The following MYADML2 variants were observed in gnomAD, a reference collection of about 807,000 sequenced individuals.
MYADML2 encodes the protein myeloid-associated differentiation marker-like protein 2.
MYADML2 carries 17 observed loss-of-function variants against 16.0 expected under a neutral mutation model. The ratio of observed to expected loss-of-function variants is 1.06; its 90% CI spans 0.73 to 1.60. MYADML2 has a LOEUF of 1.60. Among genes scored for constraint, MYADML2 ranks in the 40% most tolerant of loss-of-function variants. The probability of loss-of-function intolerance (pLI) is 0.00; values close to 1 mark genes in which losing one functional copy is unlikely to be tolerated. For synonymous variants in MYADML2, 210 were observed against 208.1 expected, an observed-to-expected ratio of 1.01 and a Z score of -0.08; for missense variants, 422 against 437.7, an observed-to-expected ratio of 0.96 and a Z score of 0.32.
At chr17:81,945,438 C>T (rs180892324) in intron 1 of MYADML2, among the ~76,000 whole-genome samples, 2 of 151,932 alleles carry the variant, frequency 1.3e-5, no homozygotes, top group Admixed American at 6.5e-5. Context: ...ACTCAGGAGG[C>T]TGAGGCAGGA....
In MYADML2 at chr17:81,942,634, C is replaced by T. The variant is rs2041315257; in HGVS notation, c.-180-261G>A. Among the ~76,000 whole-genome samples, 1 of 152,136 alleles carries T rather than the reference C, an allele frequency of 6.6e-6. No individual in the cohort carries two copies. The highest frequency in any genetic ancestry group is 2.4e-5 in the African/African-American group (1 of 41,442). On this transcript the variant is annotated intron_variant, in intron 1 of 2. Coordinates refer to ENST00000409745, the MANE Select transcript of MYADML2 (RefSeq NM_001145113.3). This position sits in a 1 kb window ranked among gnomAD's most constrained non-coding sequence, Gnocchi z 4.4. Reference sequence around the variant, plus strand: ...CCAGGCTGGAGTGCAATGGCGCGATCTCGGCTCCCAGGTTCAAGCAATTAT... The same window carrying T: ...CCAGGCTGGAGTGCAATGGCGCGATTTCGGCTCCCAGGTTCAAGCAATTAT...
intron 1 of MYADML2, among the ~76,000 whole-genome samples, chr17:81,944,253 A>C (rs1199397339): frequency 1.3e-5 from 2 of 151,714 alleles, no homozygotes; most frequent in Non-Finnish European, 2.9e-5. Flanking sequence ...AAAAATACAA[A>C]AACAAAATTA....
chr17:81,941,628 G>A lies in MYADML2; in HGVS notation c.114C>T (p.Ser38=), dbSNP rs761036185. Reference sequence around the variant, plus strand: ...CAAAGCCACCCCGGTGGGCCACCAGGCTGAAGGTAGTGCAGCCAAAGGCCA... The same window carrying A: ...CAAAGCCACCCCGGTGGGCCACCAGACTGAAGGTAGTGCAGCCAAAGGCCA... The part of the protein sequence containing the change: ...LQLAFGCTTF[S]LVAHRGGFAG... Residue 38 remains serine (S), a synonymous_variant, in exon 3 of 3, where the codon AGC becomes AGT. Coordinates refer to ENST00000409745, the MANE Select transcript of MYADML2 (RefSeq NM_001145113.3). 5.7e-5 allele frequency: 88 copies of A among 1,549,170 alleles called. No homozygotes were observed. Among genetic ancestry groups the A allele is most frequent in the Non-Finnish European group, 3.2e-5 (37 of 1,146,858 alleles).
Position 81,941,399 on chromosome 17 carries a change from A to G in MYADML2, c.343T>C (p.Cys115Arg). Reference protein sequence around the residue: ...LYPLYFARRECSPEPAGCAAR... With the variant: ...LYPLYFARRERSPEPAGCAAR... Reference sequence around the variant, plus strand: ...GCACAGCCGGCGGGCTCGGGGGAACACTCCCGCCGGGCAAAGTACAGCGGA... The same window carrying G: ...GCACAGCCGGCGGGCTCGGGGGAACGCTCCCGCCGGGCAAAGTACAGCGGA... The change falls in exon 3 of 3, where the codon TGT (cysteine) becomes CGT (arginine). Residue 115 changes from cysteine to arginine, a missense_variant. Physicochemically the swap from Cys to Arg is radical, Grantham distance 180. Coordinates refer to ENST00000409745, the MANE Select transcript of MYADML2 (RefSeq NM_001145113.3). The G allele has an allele frequency of 6.5e-7, 1 of 1,548,770 alleles. No homozygotes were observed. The highest frequency in any genetic ancestry group is 1.2e-5 in the South Asian group (1 of 84,014).
chr17:81,941,412 A>G lies in MYADML2; in HGVS notation c.330T>C (p.Phe110=), dbSNP rs1436759576. The change falls in exon 3 of 3, where the codon TTT becomes TTC. Residue 110 remains phenylalanine, a synonymous_variant. Coordinates refer to ENST00000409745, the MANE Select transcript of MYADML2 (RefSeq NM_001145113.3). ...GCTCGGGGGAACACTCCCGCCGGGC[A>G]AAGTACAGCGGATACAGGACCGCAG... ...ATAAVLYPLY[F]ARRECSPEPA... 6.5e-7 allele frequency: 1 copy of G among 1,549,230 alleles called. No homozygotes were observed. Among genetic ancestry groups the G allele is most frequent in the Non-Finnish European group, 8.7e-7 (1 of 1,146,504 alleles).
rs1194410359 is a variant in MYADML2 at position 81,941,277 on chromosome 17, CT to C, written c.464del (p.Gln155ArgfsTer2). On this transcript the variant is annotated frameshift_variant, in exon 3 of 3. Coordinates refer to ENST00000409745, the MANE Select transcript of MYADML2 (RefSeq NM_001145113.3). LOFTEE classifies it high-confidence loss of function. ...ACACCGTGGCCATATAGCTGCTCACCTGGCCGGGCCGGGCCCGCGTCAGGGC... is the reference window on the plus strand; with the variant it reads ...ACACCGTGGCCATATAGCTGCTCACCGGCCGGGCCGGGCCCGCGTCAGGGC... ...EVALTRARPG[Q>X]VSSYMATVSG... 2.6e-6 allele frequency: 4 copies of C among 1,550,070 alleles called. No individual in the cohort carries two copies. The highest frequency in any genetic ancestry group is 3.5e-6 in the Non-Finnish European group (4 of 1,146,888).
chr17:81,943,864 C>T (rs1240617140), intron 1 of MYADML2, among the ~76,000 whole-genome samples: 1 of 151,598 alleles, frequency 6.6e-6, no homozygotes, highest in Non-Finnish European at 1.5e-5. Flanking sequence ...AATCCGAGCA[C>T]TTTGGGAGGG....
In MYADML2 at chr17:81,941,200, G is replaced by C. The variant is rs776741687; in HGVS notation, c.542C>G (p.Ala181Gly). 6 of 1,550,146 alleles carry C rather than the reference G, an allele frequency of 3.9e-6. No individual in the cohort carries two copies. Among genetic ancestry groups the C allele is most frequent in the Admixed American group, 3.9e-5 (2 of 51,008 alleles). ...QAFVACIIFG[A>G]LVHDSRYGRY... ...CCCGTAGCGGCTGTCATGGACCAGCGCCCCGAAGATGATGCAGGCCACGAA... is the reference window on the plus strand; with the variant it reads ...CCCGTAGCGGCTGTCATGGACCAGCCCCCCGAAGATGATGCAGGCCACGAA... Residue 181 changes from alanine (A) to glycine (G), a missense_variant, in exon 3 of 3, where the codon GCG becomes GGG. Coordinates refer to ENST00000409745, the MANE Select transcript of MYADML2 (RefSeq NM_001145113.3).
At chr17:81,943,869 G>C (rs2041324080) in intron 1 of MYADML2, among the ~76,000 whole-genome samples, 4 of 151,756 alleles carry the variant, frequency 2.6e-5, no homozygotes, top group African/African-American at 9.7e-5. Flanking sequence ...GAGCACTTTG[G>C]GAGGGGCTGA....
At position 81,941,553 on chromosome 17, in the gene MYADML2, G is replaced by A. The variant is rs576489844; in HGVS notation, c.189C>T (p.Ala63=). 2.8e-5 allele frequency: 44 copies of A among 1,548,292 alleles called. No homozygotes were observed. In the East Asian group the frequency reaches 4.2e-4, roughly 15 times the overall value. Residue 63 remains alanine, a synonymous_variant, in exon 3 of 3, where the codon GCC becomes GCT. Coordinates refer to ENST00000409745, the MANE Select transcript of MYADML2 (RefSeq NM_001145113.3). The part of the protein sequence containing the change: ...FCMAAWGFCF[A]VSALVVACEF... ...CACAGGCCACCACCAGCGCAGAGAC[G>A]GCGAAGCAGAAGCCCCAGGCGGCCA... is the stretch of plus-strand genomic sequence containing the variant.
At chr17:81,943,472 C>T (rs552978310) in intron 1 of MYADML2, among the ~76,000 whole-genome samples, 16 of 149,452 alleles carry the variant, frequency 1.1e-4, no homozygotes, top group African/African-American at 3.0e-4. Context: ...GGCGCAATCT[C>T]GGCTCACTGC....
rs550164725 is a variant in MYADML2, at chr17:81,942,619, G to A, written c.-180-246C>T. The stretch of plus-strand genomic sequence containing the variant: ...GCCTCGCTCTGTCACCCAGGCTGGA[G>A]TGCAATGGCGCGATCTCGGCTCCCA... On this transcript the variant is annotated intron_variant, in intron 1 of 2. Coordinates refer to ENST00000409745, the MANE Select transcript of MYADML2 (RefSeq NM_001145113.3). The surrounding 1 kb of genome is among the most constrained non-coding windows in gnomAD (Gnocchi z 4.4). 4.6e-4 allele frequency among the ~76,000 whole-genome samples: 70 copies of A among 152,272 alleles called. No individual in the cohort carries two copies. The highest frequency in any genetic ancestry group is 6.8e-3 in the Middle Eastern group (2 of 294).
At position 81,946,410 on chromosome 17, in the gene MYADML2, A is replaced by G. The variant is rs113657050; in HGVS notation, c.-181+649T>C. Among the ~76,000 whole-genome samples, 693 of 150,538 alleles carry G rather than the reference A, an allele frequency of 4.6e-3. 3 individuals carry two copies. Among genetic ancestry groups the G allele is most frequent in the Non-Finnish European group, 7.8e-3 (530 of 67,744 alleles). On this transcript the variant is annotated intron_variant, in intron 1 of 2. Transcript: ENST00000409745. The stretch of plus-strand genomic sequence containing the variant: ...ATGCCTGTAATCCCAGCACTTTGGG[A>G]GGCTGAGGCGGGCGGATCACAAGGT...
At chr17:81,943,886 T>C (rs1249285675) in intron 1 of MYADML2, among the ~76,000 whole-genome samples, 5 of 148,806 alleles carry the variant, frequency 3.4e-5, no homozygotes. Context: ...CTGAGGTGGA[T>C]GGATCACGAG....
At chr17:81,944,209 G>A (rs148381774) in intron 1 of MYADML2, among the ~76,000 whole-genome samples, 56 of 151,820 alleles carry the variant, frequency 3.7e-4, no homozygotes, top group East Asian at 3.3e-3. Context: ...AATTGAGACC[G>A]TCCTGGCTAA....
At chr17:81,946,697 G>A (rs1280733337) in intron 1 of MYADML2, among the ~76,000 whole-genome samples, 6 of 152,058 alleles carry the variant, frequency 3.9e-5, no homozygotes, top group Non-Finnish European at 8.8e-5. Flanking sequence ...AAGGCCAGGC[G>A]CAGTGGCTCA....
chr17:81,944,447 T>C (rs1469436899), intron 1 of MYADML2, among the ~76,000 whole-genome samples: 1 of 151,910 alleles, frequency 6.6e-6, no homozygotes, highest in Non-Finnish European at 1.5e-5. Context: ...CTGCCCTGGG[T>C]TTCTGAGACA....
In MYADML2 at chr17:81,941,474, C is replaced by T. The variant is rs1043859087; in HGVS notation, c.268G>A (p.Ala90Thr). 30 of 1,548,706 alleles carry T rather than the reference C, an allele frequency of 1.9e-5. No individual in the cohort carries two copies. In the Admixed American group the frequency reaches 3.3e-4, roughly 17 times the overall value. ...LRLSWGNFTA[A>T]FAMLATLLCA... The stretch of plus-strand genomic sequence containing the variant: ...AGCAGGGTGGCCAGCATGGCGAAGG[C>T]GGCGGTGAAGTTGCCCCAGGAGAGC... The change falls in exon 3 of 3, where the codon GCC becomes ACC. Residue 90 changes from alanine (A) to threonine (T), a missense_variant. Coordinates refer to ENST00000409745, the MANE Select transcript of MYADML2 (RefSeq NM_001145113.3).
In MYADML2 at chr17:81,942,854, CT is replaced by C. The variant is rs969112376; in HGVS notation, c.-180-482del. Among the ~76,000 whole-genome samples, 1 of 151,096 alleles carries C rather than the reference CT, an allele frequency of 6.6e-6. No homozygotes were observed. The highest frequency in any genetic ancestry group is 2.1e-4 in the South Asian group (1 of 4,754). On this transcript the variant is annotated intron_variant, in intron 1 of 2. Transcript: ENST00000409745. This position sits in a 1 kb window ranked among gnomAD's most constrained non-coding sequence, Gnocchi z 4.4. ...GCGTGAGCCACTAGGTCCGGCCCCT[CT>C]TTTTTTTCGAGATAGGGTCTAGCTT...
Sources: allele counts gnomAD v4.1 joint callset (sites outside exome capture counted in the v4.1 genomes callset), GRCh38; gene constraint gnomAD v4.1.1; non-coding constraint Gnocchi (gnomAD v3.1); transcripts MANE v1.5; gene names NCBI Gene and HGNC (gene_info 2026-07-23, HGNC 2026-07-21).